CHD2: variants seen among roughly 807,000 people sequenced by gnomAD.
CHD2 encodes the protein ATP-dependent chromatin remodeler CHD2.
In CHD2, 28 loss-of-function variants were observed where a neutral mutation model predicts 243.9. The observed-to-expected ratio is 0.11, with a 90% CI of 0.09 to 0.16. The LOEUF (loss-of-function observed/expected upper bound fraction) is 0.16, where lower values mean the gene tolerates loss of function less well. Among genes scored for constraint, CHD2 ranks in the 10% least tolerant of loss-of-function variants. CHD2 has a pLI of 1.00. For missense variants in CHD2, 1,386 were observed against 2,209.8 expected, an observed-to-expected ratio of 0.63 and a Z score of 7.47; for synonymous variants, 775 against 779.0, an observed-to-expected ratio of 0.99 and a Z score of 0.09.
chr15:92,983,527 C>T lies in CHD2; in HGVS notation c.3067-803C>T, dbSNP rs567646832. ...TTATACCTTATGACTGTCTCAAAGG[C>T]TAGGAGGGAGGGAATAAGAAGAATG... On this transcript the variant is annotated intron_variant, in intron 24 of 38. Transcript: ENST00000394196. 2.0e-5 allele frequency among the ~76,000 whole-genome samples: 3 copies of T among 152,208 alleles called. No homozygotes were observed. In the East Asian group the frequency reaches 5.8e-4, roughly 29 times the overall value.
intron 35 of CHD2, among the ~76,000 whole-genome samples, chr15:93,011,486 T>C (rs1375647162): frequency 6.6e-6 from 1 of 152,132 alleles, no homozygotes; most frequent in Non-Finnish European, 1.5e-5. Context: ...GACAGTTTGC[T>C]AAAAAGACTG....
At chr15:92,950,436 G>A (rs1156260582) in intron 13 of CHD2, 2 of 152,176 alleles carry the variant, frequency 1.3e-5, no homozygotes, top group Non-Finnish European at 2.9e-5. Context: ...TGCAGTGTAA[G>A]AAGTACCTTT....
At chr15:92,926,383 T>A (rs1237091879) in intron 3 of CHD2, among the ~76,000 whole-genome samples, 1 of 152,244 alleles carries the variant, frequency 6.6e-6, no homozygotes, top group Non-Finnish European at 1.5e-5. Context: ...ATAACCCATA[T>A]TTCTCATCTC....
chr15:92,919,210 G>T (rs969143774), intron 2 of CHD2, among the ~76,000 whole-genome samples: 1 of 151,798 alleles, frequency 6.6e-6, no homozygotes, highest in Non-Finnish European at 1.5e-5. Flanking sequence ...CATCCAGGCT[G>T]GAGTGCAGTG....
rs2054583145 is a variant in CHD2 at position 93,025,862 on chromosome 15, G to GAAAT, written c.*1157_*1158insAAAT. ...AGTAGACAGAATCACACATCATGTGGTGGGCAGATGGAAATAAGTACCTGT... is the reference window on the plus strand; with the variant it reads ...AGTAGACAGAATCACACATCATGTGGAAATTGGGCAGATGGAAATAAGTACCTGT... On this transcript the variant is annotated 3_prime_UTR_variant, in exon 39 of 39. Transcript: ENST00000394196. 1 of 152,234 alleles carries GAAAT rather than the reference G, an allele frequency of 6.6e-6. No individual in the cohort carries two copies. The highest frequency in any genetic ancestry group is 1.5e-5 in the Non-Finnish European group (1 of 68,036). 9.4% of individuals were successfully genotyped at this position (152,234 alleles called of 1,614,324 possible). A position where few individuals can be genotyped will look rare whatever the true frequency, so the allele number is the denominator to read the frequency against.
chr15:92,993,931 CA>C (rs2054154935), intron 28 of CHD2, among the ~76,000 whole-genome samples: 1 of 152,034 alleles, frequency 6.6e-6, no homozygotes, highest in Non-Finnish European at 1.5e-5. Context: ...GAGATCATGC[CA>C]CTGCACTTCA....
Position 92,930,004 on chromosome 15 carries a change from T to A in CHD2, c.443+913T>A, listed in dbSNP as rs538098621. The stretch of plus-strand genomic sequence containing the variant: ...TGTGACATTAAATAAATGTAGGGTA[T>A]TACAGAGCCTTACAGAAAAGTACTT... On this transcript the variant is annotated intron_variant, in intron 5 of 38. Coordinates refer to ENST00000394196, the MANE Select transcript of CHD2 (RefSeq NM_001271.4). Among the ~76,000 whole-genome samples, 390 of 114,006 alleles carry A rather than the reference T, an allele frequency of 3.4e-3. 4 individuals carry two copies. Among genetic ancestry groups the A allele is most frequent in the African/African-American group, 0.012 (369 of 30,552 alleles). 74.8% of individuals were successfully genotyped at this position (114,006 alleles called of 152,430 possible).
chr15:92,945,718 G>C lies in CHD2; in HGVS notation c.1154-103G>C, dbSNP rs60654366. 1,062 of 643,838 alleles carry C rather than the reference G, an allele frequency of 1.6e-3. 14 individuals carry two copies. The African/African-American group carries it at 0.019, about 11-fold the overall frequency. 39.9% of individuals were successfully genotyped at this position (643,838 alleles called of 1,614,324 possible). On this transcript the variant is annotated intron_variant, in intron 10 of 38. Transcript: ENST00000394196. Reference sequence around the variant, plus strand: ...CCCATTTTTTTTTTTTCTTTTTTAAGGTGTGAGGTAGTAGAATATATTTAC... The same window carrying C: ...CCCATTTTTTTTTTTTCTTTTTTAACGTGTGAGGTAGTAGAATATATTTAC...
intron 12 of CHD2, 56 bp from the exon 13 acceptor site, chr15:92,948,896 G>A (rs1213968544): frequency 2.8e-5 from 44 of 1,558,164 alleles, no homozygotes; most frequent in Middle Eastern, 1.7e-4. Flanking sequence ...TGTGGCTAGC[G>A]TTTTAACATA....
intron 24 of CHD2, among the ~76,000 whole-genome samples, chr15:92,983,548 G>C (rs2054005697): frequency 6.6e-6 from 1 of 152,164 alleles, no homozygotes; most frequent in Admixed American, 6.5e-5. Flanking sequence ...GGAATAAGAA[G>C]AATGCGGAGC....
chr15:92,911,649 C>G (rs1041096232), intron 2 of CHD2, among the ~76,000 whole-genome samples: 1 of 151,970 alleles, frequency 6.6e-6, no homozygotes, highest in African/African-American at 2.4e-5. Flanking sequence ...GAGGCAGAGA[C>G]GCTTGAACCT....
At chr15:92,904,942 T>A (rs1232684490) in intron 2 of CHD2, 1 of 1,536,010 alleles carries the variant, frequency 6.5e-7, no homozygotes, top group African/African-American at 1.4e-5. Flanking sequence ...TATTTGAACT[T>A]GTCCCCATGC....
Position 92,924,416 on chromosome 15 carries a change from C to G in CHD2, c.158C>G (p.Ser53Trp), listed in dbSNP as rs368237024. 3 of 1,613,860 alleles carry G rather than the reference C, an allele frequency of 1.9e-6. No individual in the cohort carries two copies. The African/African-American group carries it at 4.0e-5, about 22-fold the overall frequency. ...CCAGGAAGTGGACATGGCAGCGAGT[C>G]GAACAGCAGCTCTGAATCTTCTGAG... Reference protein sequence around the residue: ...SDPGSGHGSESNSSSESSESQ... With the variant: ...SDPGSGHGSEWNSSSESSESQ... Residue 53 changes from serine to tryptophan, a missense_variant, in exon 3 of 39, where the codon TCG becomes TGG. Ser to Trp is a radical substitution (Grantham distance 177). Around this residue, in one of 19 missense-constraint regions of CHD2, gnomAD observed 89 missense variants for 102.4 expected, o/e 0.87. Coordinates refer to ENST00000394196, the MANE Select transcript of CHD2 (RefSeq NM_001271.4).
Position 92,900,755 on chromosome 15 carries a change from A to G in CHD2, c.-141A>G, listed in dbSNP as rs1268530659. The G allele has an allele frequency of 7.6e-6, 3 of 395,470 alleles. No individual in the cohort carries two copies. 24.5% of individuals were successfully genotyped at this position (395,470 alleles called of 1,614,324 possible). ...AACGGAGGATTTTGCCTTTATTTTT[A>G]ATTATTTGGGATCTGATATTTTTCT... On this transcript the variant is annotated 5_prime_UTR_variant, in exon 1 of 39. Coordinates refer to ENST00000394196, the MANE Select transcript of CHD2 (RefSeq NM_001271.4).
chr15:92,935,383 A>G (rs902519330), intron 5 of CHD2, among the ~76,000 whole-genome samples: 1 of 152,134 alleles, frequency 6.6e-6, no homozygotes, highest in Non-Finnish European at 1.5e-5. Flanking sequence ...CTGGTTGTTC[A>G]TAAGTCTGTA....
intron 5 of CHD2, among the ~76,000 whole-genome samples, chr15:92,934,184 T>A (rs528636546): frequency 6.6e-6 from 1 of 152,240 alleles, no homozygotes; most frequent in Non-Finnish European, 1.5e-5. Flanking sequence ...TAAAAGTAGC[T>A]TTTGTTCATT....
Position 92,946,227 on chromosome 15 carries a change from G to T in CHD2, c.1377+11G>T, listed in dbSNP as rs1186717172. ...ACAAGAGAATGCAAGGTATGGTGAT[G>T]GTTGGCTTTTGTTTTTTCAGGGAGA... On this transcript the variant is annotated intron_variant, in intron 12 of 38. Coordinates refer to ENST00000394196, the MANE Select transcript of CHD2 (RefSeq NM_001271.4). The T allele has an allele frequency of 6.3e-7, 1 of 1,592,778 alleles. No homozygotes were observed. Among genetic ancestry groups the T allele is most frequent in the East Asian group, 2.2e-5 (1 of 44,608 alleles).
chr15:92,980,249 C>G (rs1340556960), intron 22 of CHD2, among the ~76,000 whole-genome samples: 2 of 132,264 alleles, frequency 1.5e-5, no homozygotes, highest in African/African-American at 5.7e-5. Flanking sequence ...TTAGTAGAGA[C>G]AGGGTTTTTC....
In CHD2 at chr15:92,908,523, C is replaced by T. The variant is rs564648693; in HGVS notation, c.62+7224C>T. 7.2e-5 allele frequency among the ~76,000 whole-genome samples: 11 copies of T among 152,154 alleles called. No individual in the cohort carries two copies. In the South Asian group the frequency reaches 2.1e-3, roughly 29 times the overall value. On this transcript the variant is annotated intron_variant, in intron 2 of 38. Coordinates refer to ENST00000394196, the MANE Select transcript of CHD2 (RefSeq NM_001271.4). ...TAAAAATACCAGTGTCCATCCCTGC[C>T]CCTAGGATCTAGTTAATTTTTAAAA...
Sources: allele counts gnomAD v4.1 joint callset (sites outside exome capture counted in the v4.1 genomes callset), GRCh38; gene constraint gnomAD v4.1.1; regional missense constraint gnomAD v4.1.1; transcripts MANE v1.5; gene names NCBI Gene and HGNC (gene_info 2026-07-23, HGNC 2026-07-21).